Variants in ZC3H12B observed in about 807,000 individuals in gnomAD.
The protein encoded by ZC3H12B is zinc finger CCCH-type containing 12B.
A neutral mutation model predicts 43.9 loss-of-function variants in ZC3H12B; 7 were observed. The observed-to-expected ratio is 0.16, with a 90% CI of 0.09 to 0.30. ZC3H12B has a LOEUF of 0.30. ZC3H12B is among the 10% of genes least tolerant of loss of function. ZC3H12B has a pLI of 1.00. For synonymous variants in ZC3H12B, 222 were observed against 241.7 expected, an observed-to-expected ratio of 0.92 and a Z score of 0.76; for missense variants, 475 against 670.2, an observed-to-expected ratio of 0.71 and a Z score of 3.22.
intron 1 of ZC3H12B, among the ~76,000 whole-genome samples, chrX:65,490,699 G>A (rs1382642293): frequency 9.0e-6 from 1 of 111,198 alleles, no homozygotes; most frequent in Non-Finnish European, 1.9e-5. Flanking sequence ...TTTCTCAAAT[G>A]AATTGTAATC....
At chrX:65,371,121 G>A (rs1231795465) in intron 2 of ZC3H12B, among the ~76,000 whole-genome samples, 2 of 110,710 alleles carry the variant, frequency 1.8e-5, no homozygotes, top group Non-Finnish European at 3.8e-5. Context: ...TGAATTTTTA[G>A]GATGCTATTT....
At chrX:65,142,499 T>C in the ZC3H12B span, among the ~76,000 whole-genome samples, 2 of 112,544 alleles carry the variant, frequency 1.8e-5, no homozygotes, top group African/African-American at 6.4e-5. Flanking sequence ...GCAAAAGTTC[T>C]TTAACTAATT....
At chrX:65,179,325 G>T in the ZC3H12B span, among the ~76,000 whole-genome samples, 1 of 109,469 alleles carries the variant, frequency 9.1e-6, no homozygotes, top group African/African-American at 3.3e-5. Flanking sequence ...GTTGATGGTT[G>T]CAGCACACCA....
At chrX:65,459,393 A>G (rs1299568706) in intron 3 of ZC3H12B, among the ~76,000 whole-genome samples, 3 of 111,789 alleles carry the variant, frequency 2.7e-5, no homozygotes, top group Non-Finnish European at 3.8e-5. Flanking sequence ...AGCCTGGCAG[A>G]GACACAACAA....
the ZC3H12B span, among the ~76,000 whole-genome samples, chrX:65,123,630 T>A: frequency 9.0e-6 from 1 of 110,551 alleles, no homozygotes; most frequent in Non-Finnish European, 1.9e-5. Context: ...GTGTTTCTAT[T>A]GTTTTGTCAT....
chrX:65,308,456 C>T, the ZC3H12B span, among the ~76,000 whole-genome samples: 1 of 111,583 alleles, frequency 9.0e-6, no homozygotes, highest in Non-Finnish European at 1.9e-5. Flanking sequence ...AGTATATATG[C>T]AACCAATTCA....
Position 65,429,388 on chromosome X carries a change from C to T in ZC3H12B, n.407+30684C>T, listed in dbSNP as rs184993543. 2.0e-4 allele frequency among the ~76,000 whole-genome samples: 23 copies of T among 112,782 alleles called. No homozygotes were observed. The Admixed American group carries it at 2.0e-3, about 10-fold the overall frequency. On this transcript the variant is annotated intron_variant and non_coding_transcript_variant, in intron 3 of 5. Coordinates refer to the ZC3H12B transcript ENST00000617377. ...GGAACAGCCAAGGTGGCAGCCTGCCCCATCCCCCATGCACTCCATTCCAGA... is the reference window on the plus strand; with the variant it reads ...GGAACAGCCAAGGTGGCAGCCTGCCTCATCCCCCATGCACTCCATTCCAGA...
chrX:65,083,105 C>G, the ZC3H12B span, among the ~76,000 whole-genome samples: 1 of 111,165 alleles, frequency 9.0e-6, no homozygotes, highest in Non-Finnish European at 1.9e-5. Flanking sequence ...ATAGAAGGAA[C>G]TTACCTCAAG....
the ZC3H12B span, among the ~76,000 whole-genome samples, chrX:65,117,169 C>T: frequency 8.9e-6 from 1 of 111,867 alleles, no homozygotes. Flanking sequence ...AGTTTACAGT[C>T]CCATGAACAA....
chrX:65,076,362 C>T, the ZC3H12B span, among the ~76,000 whole-genome samples: 2 of 110,743 alleles, frequency 1.8e-5, no homozygotes, highest in African/African-American at 3.3e-5. Flanking sequence ...TAGTCTCAAA[C>T]TCCTGGCCTC....
At chrX:65,384,083 G>A (rs753942790) in intron 2 of ZC3H12B, among the ~76,000 whole-genome samples, 10 of 101,054 alleles carry the variant, frequency 9.9e-5, no homozygotes, top group East Asian at 3.0e-4. Context: ...TGTTTATTGC[G>A]GCATGATTCA....
chrX:65,356,029 A>C, the ZC3H12B span, among the ~76,000 whole-genome samples: 3 of 112,298 alleles, frequency 2.7e-5, no homozygotes, highest in Non-Finnish European at 5.6e-5. Context: ...TTTTAAATAC[A>C]TATCTTAAAT....
the ZC3H12B span, among the ~76,000 whole-genome samples, chrX:65,082,485 C>G: frequency 9.0e-6 from 1 of 111,591 alleles, no homozygotes; most frequent in African/African-American, 3.2e-5. Flanking sequence ...TGATGAGCAA[C>G]TATGTGTCAG....
chrX:65,086,046 C>CT, the ZC3H12B span, among the ~76,000 whole-genome samples: 12,499 of 92,354 alleles, frequency 0.14, 1,917 homozygotes, highest in African/African-American at 0.42. Context: ...CTAATAATGT[C>CT]TTTTTTTTTT....
the ZC3H12B span, among the ~76,000 whole-genome samples, chrX:65,248,605 G>T: frequency 9.0e-6 from 1 of 111,729 alleles, no homozygotes; most frequent in African/African-American, 3.3e-5. Flanking sequence ...CTCATGGCAT[G>T]TCAAACTATC....
At chrX:65,474,684 CA>C (rs1319892302) in intron 3 of ZC3H12B, among the ~76,000 whole-genome samples, 1 of 110,818 alleles carries the variant, frequency 9.0e-6, no homozygotes, top group African/African-American at 3.3e-5. Context: ...AATCTCAGCT[CA>C]CTGCAGCCAC....
chrX:65,155,148 G>T, the ZC3H12B span, among the ~76,000 whole-genome samples: 1 of 109,955 alleles, frequency 9.1e-6, no homozygotes, highest in Non-Finnish European at 1.9e-5. Flanking sequence ...TATAGAGACA[G>T]GGTTTCACCA....
At chrX:65,171,021 G>A in the ZC3H12B span, among the ~76,000 whole-genome samples, 1 of 111,086 alleles carries the variant, frequency 9.0e-6, no homozygotes, top group Non-Finnish European at 1.9e-5. Context: ...TACCGATTGT[G>A]TGAAGCCTTC....
At chrX:65,078,436 G>A in the ZC3H12B span, among the ~76,000 whole-genome samples, 1 of 111,996 alleles carries the variant, frequency 8.9e-6, no homozygotes, top group Non-Finnish European at 1.9e-5. Context: ...AGAATGAGTA[G>A]CTAGTAAGGT....
Sources: gnomAD v4.1 joint callset for allele counts (sites outside exome capture counted in the v4.1 genomes callset) on GRCh38, gnomAD v4.1.1 for gene constraint, MANE v1.5 for transcripts, NCBI Gene and HGNC (gene_info 2026-07-23, HGNC 2026-07-21) for gene names.